The following MLYCD variants were observed in gnomAD, a reference collection of about 807,000 sequenced individuals.
MLYCD encodes the protein malonyl-CoA decarboxylase.
Under a neutral mutation model 35.8 loss-of-function variants are expected in MLYCD, and 27 were observed. The observed-to-expected ratio is 0.75, with a 90% CI of 0.56 to 1.04. MLYCD has a LOEUF of 1.04. MLYCD is among the 50% of genes least tolerant of loss of function. MLYCD has a pLI of 0.00. For missense variants in MLYCD, 917 were observed against 665.1 expected (o/e 1.38, Z -4.17); for synonymous variants, 403 against 302.4 (o/e 1.33, Z -3.45).
chr16:83,900,245 C>T (rs1051910632), intron 1 of MLYCD, among the ~76,000 whole-genome samples: 4 of 152,136 alleles, frequency 2.6e-5, no homozygotes, highest in Non-Finnish European at 4.4e-5. Flanking sequence ...TAACTCCCTG[C>T]GTTCAGTACT....
In MLYCD at chr16:83,916,354, G is replaced by C. The variant is rs1210631550; in HGVS notation, c.*865G>C. The C allele has an allele frequency of 4.8e-6, 1 of 209,064 alleles. No homozygotes were observed. The highest frequency in any genetic ancestry group is 6.5e-5 in the Admixed American group (1 of 15,414). 13.0% of individuals were successfully genotyped at this position (209,064 alleles called of 1,614,324 possible). On this transcript the variant is annotated 3_prime_UTR_variant, in exon 5 of 5. Coordinates refer to ENST00000262430, the MANE Select transcript of MLYCD (RefSeq NM_012213.3). ...TTGTGGGAGGAAGGCAGTTGTGTTT[G>C]TGTGTGTATGTGTGTATCAGTGCAC... is the stretch of plus-strand genomic sequence containing the variant.
At chr16:83,913,014 A>C (rs1907234881) in intron 4 of MLYCD, 1 of 163,596 alleles carries the variant, frequency 6.1e-6, no homozygotes, top group African/African-American at 2.4e-5. Flanking sequence ...GACTTGGATA[A>C]ATTCCAATGA....
chr16:83,914,150 A>G (rs1305168366), intron 4 of MLYCD: 1 of 152,234 alleles, frequency 6.6e-6, no homozygotes, highest in African/African-American at 2.4e-5. Context: ...AAATATCTAT[A>G]GTGAGCATGT....
Position 83,923,292 on chromosome 16 carries a change from A to G in MLYCD, c.*7803A>G, listed in dbSNP as rs949189166. ...AACATGAGGTGTACTAAAGATTTAA[A>G]TCGAGCAAACACCTCTGTGATTTCC... On this transcript the variant is annotated 3_prime_UTR_variant, in exon 5 of 5. Transcript: ENST00000262430. The G allele has an allele frequency of 2.6e-5, 4 of 152,226 alleles. No individual in the cohort carries two copies. Among genetic ancestry groups the G allele is most frequent in the African/African-American group, 9.6e-5 (4 of 41,466 alleles). The allele number at this position is 152,226 out of a possible 1,614,324, so 9.4% of individuals were successfully genotyped here. A position where few individuals can be genotyped will look rare whatever the true frequency, so the allele number is the denominator to read the frequency against.
At position 83,915,241 on chromosome 16, in the gene MLYCD, C is replaced by G. The variant is rs1292357613; in HGVS notation, c.1234C>G (p.Arg412Gly). Residue 412 changes from arginine to glycine, a missense_variant, in exon 5 of 5, where the codon CGC becomes GGC. Transcript: ENST00000262430. ...CTGGTACCTGTATGGAGAGAAGCACCGCGGCTACGCGCTGAACCCCGTGGC... is the reference window on the plus strand; with the variant it reads ...CTGGTACCTGTATGGAGAGAAGCACGGCGGCTACGCGCTGAACCCCGTGGC... ...CAWYLYGEKHRGYALNPVANF... is the reference protein window; with the variant it reads ...CAWYLYGEKHGGYALNPVANF... 1.2e-6 allele frequency: 2 copies of G among 1,612,900 alleles called. No individual in the cohort carries two copies. Among genetic ancestry groups the G allele is most frequent in the Admixed American group, 3.3e-5 (2 of 59,990 alleles).
At chr16:83,914,764 G>A (rs541655628) in intron 4 of MLYCD, 192 bp from the exon 5 acceptor site, 4 of 777,926 alleles carry the variant, frequency 5.1e-6, no homozygotes, top group East Asian at 2.8e-5. Context: ...GGGCAATAGA[G>A]CAAGACCCTG....
chr16:83,910,456 G>T (rs1052158489), intron 3 of MLYCD, among the ~76,000 whole-genome samples: 11 of 152,092 alleles, frequency 7.2e-5, no homozygotes, highest in African/African-American at 2.7e-4. Context: ...GGAGGCTGAG[G>T]AGGCAGCCGG....
intron 3 of MLYCD, among the ~76,000 whole-genome samples, chr16:83,909,780 G>A (rs1158181894): frequency 1.3e-5 from 2 of 151,282 alleles, no homozygotes; most frequent in Non-Finnish European, 2.9e-5. Flanking sequence ...GTGCCACCAT[G>A]CCCAGCTAAT....
chr16:83,915,701 T>A lies in MLYCD; in HGVS notation c.*212T>A. On this transcript the variant is annotated 3_prime_UTR_variant, in exon 5 of 5. Coordinates refer to ENST00000262430, the MANE Select transcript of MLYCD (RefSeq NM_012213.3). ...AGTGCAAGACGGTTGTGGGTGCGGGTGCACACAAATGAGTGGGTTGCTGTG... is the reference window on the plus strand; with the variant it reads ...AGTGCAAGACGGTTGTGGGTGCGGGAGCACACAAATGAGTGGGTTGCTGTG... 1 of 1,442,536 alleles carries A rather than the reference T, an allele frequency of 6.9e-7. No individual in the cohort carries two copies. The highest frequency in any genetic ancestry group is 9.1e-7 in the Non-Finnish European group (1 of 1,098,616). The allele number at this position is 1,442,536 out of a possible 1,614,324, so 89.4% of individuals were successfully genotyped here.
intron 2 of MLYCD, among the ~76,000 whole-genome samples, chr16:83,907,402 C>T (rs115492103): frequency 0.01 from 1,591 of 152,270 alleles, 35 homozygotes; most frequent in African/African-American, 0.037. Context: ...CCCAAGACCC[C>T]GTGATCAGAG....
chr16:83,901,073 G>C (rs1431443682), intron 1 of MLYCD, among the ~76,000 whole-genome samples: 1 of 152,208 alleles, frequency 6.6e-6, no homozygotes. Flanking sequence ...GCCATGATTT[G>C]ATTCCCCGTG....
intron 3 of MLYCD, among the ~76,000 whole-genome samples, chr16:83,909,155 T>G (rs184249463): frequency 6.6e-5 from 10 of 152,320 alleles, no homozygotes; most frequent in Non-Finnish European, 1.0e-4. Context: ...GGGGCCATTC[T>G]GACTTCTCTG....
At chr16:83,910,030 C>G (rs868350706) in intron 3 of MLYCD, among the ~76,000 whole-genome samples, 8 of 152,092 alleles carry the variant, frequency 5.3e-5, no homozygotes, top group African/African-American at 1.9e-4. Flanking sequence ...GGAATTCAGA[C>G]CCAGCTCGCA....
At position 83,926,686 on chromosome 16, in the gene MLYCD, T is replaced by G. The variant is rs547622310; in HGVS notation, c.*11197T>G. The G allele has an allele frequency of 6.6e-6, 1 of 152,246 alleles. No homozygotes were observed. Among genetic ancestry groups the G allele is most frequent in the African/African-American group, 2.4e-5 (1 of 41,438 alleles). 9.4% of individuals were successfully genotyped at this position (152,246 alleles called of 1,614,324 possible). A position where few individuals can be genotyped will look rare whatever the true frequency, so the allele number is the denominator to read the frequency against. On this transcript the variant is annotated 3_prime_UTR_variant, in exon 5 of 5. Coordinates refer to ENST00000262430, the MANE Select transcript of MLYCD (RefSeq NM_012213.3). ...CAGGGGCTGTGGGGATCTCAAAAGA[T>G]AAGGCAGGTCTGGAGTCCTGCGCGG... is the stretch of plus-strand genomic sequence containing the variant.
In MLYCD at chr16:83,899,173, C is replaced by A; in HGVS notation, c.29C>A (p.Ala10Asp). 1 of 1,165,760 alleles carries A rather than the reference C, an allele frequency of 8.6e-7. No homozygotes were observed. 72.2% of individuals were successfully genotyped at this position (1,165,760 alleles called of 1,614,324 possible). Reference sequence around the variant, plus strand: ...CGAGGCTTCGGGCCAGGCTTGACGGCCAGGCGTCTCCTCCCGCTGCGGTTG... The same window carrying A: ...CGAGGCTTCGGGCCAGGCTTGACGGACAGGCGTCTCCTCCCGCTGCGGTTG... Reference protein sequence around the residue: MRGFGPGLTARRLLPLRLPP... With the variant: MRGFGPGLTDRRLLPLRLPP... Residue 10 changes from alanine to aspartate, a missense_variant, in exon 1 of 5, where the codon GCC (alanine) becomes GAC (aspartate). By Grantham distance (126) the Ala-to-Asp change is moderately radical (BLOSUM62 -2). Transcript: ENST00000262430.
chr16:83,910,278 A>T (rs1217097827), intron 3 of MLYCD, among the ~76,000 whole-genome samples: 1 of 149,940 alleles, frequency 6.7e-6, no homozygotes, highest in Non-Finnish European at 1.5e-5. Flanking sequence ...CTTTGACATT[A>T]TACATACCTC....
At chr16:83,913,722 G>A (rs1907265054) in intron 4 of MLYCD, 1 of 150,392 alleles carries the variant, frequency 6.6e-6, no homozygotes, top group South Asian at 2.1e-4. Flanking sequence ...GCCGAGGCAG[G>A]AGAATCACTT....
intron 3 of MLYCD, among the ~76,000 whole-genome samples, chr16:83,908,851 G>A (rs781594080): frequency 3.9e-5 from 6 of 152,200 alleles, no homozygotes; most frequent in Non-Finnish European, 7.3e-5. Flanking sequence ...AGAAGAACCA[G>A]GGAGCACATT....
At position 83,899,368 on chromosome 16, in the gene MLYCD, A is replaced by T. The variant is rs745379940; in HGVS notation, c.224A>T (p.Tyr75Phe). The change falls in exon 1 of 5, where the codon TAC becomes TTC. Residue 75 changes from tyrosine to phenylalanine, a missense_variant. Physicochemically the swap from Tyr to Phe is conservative, Grantham distance 22. Transcript: ENST00000262430. ...EGQCADFVSF[Y>F]GGLAETAQRA... Reference sequence around the variant, plus strand: ...CAGTGCGCGGACTTCGTGAGCTTCTACGGTGGGCTGGCCGAGACGGCCCAG... The same window carrying T: ...CAGTGCGCGGACTTCGTGAGCTTCTTCGGTGGGCTGGCCGAGACGGCCCAG... 2.0e-6 allele frequency: 3 copies of T among 1,527,358 alleles called. No homozygotes were observed. Among genetic ancestry groups the T allele is most frequent in the African/African-American group, 1.4e-5 (1 of 70,076 alleles). The allele number at this position is 1,527,358 out of a possible 1,614,324, so 94.6% of individuals were successfully genotyped here. A position where few individuals can be genotyped will look rare whatever the true frequency, so the allele number is the denominator to read the frequency against.
Sources: gnomAD v4.1 joint callset for allele counts (sites outside exome capture counted in the v4.1 genomes callset) on GRCh38, gnomAD v4.1.1 for gene constraint, MANE v1.5 for transcripts, NCBI Gene and HGNC (gene_info 2026-07-23, HGNC 2026-07-21) for gene names.